The following OTUD4 variants were observed in gnomAD, a reference collection of about 807,000 sequenced individuals.
OTUD4 encodes the protein OTU domain-containing protein 4.
A neutral mutation model predicts 130.4 loss-of-function variants in OTUD4; 24 were observed. The observed-to-expected ratio is 0.18, with a 90% CI of 0.13 to 0.26. The LOEUF (loss-of-function observed/expected upper bound fraction) is 0.26. OTUD4 is among the 10% of genes least tolerant of loss of function. OTUD4 has a pLI of 1.00. For missense variants in OTUD4, 1,031 were observed against 1,329.4 expected, an observed-to-expected ratio of 0.78 and a Z score of 3.49; for synonymous variants, 420 against 472.5, an observed-to-expected ratio of 0.89 and a Z score of 1.44.
chr4:145,148,185 T>C (rs1489039047), intron 13 of OTUD4, among the ~76,000 whole-genome samples: 1 of 152,196 alleles, frequency 6.6e-6, no homozygotes, highest in Non-Finnish European at 1.5e-5. Context: ...TATGCTTCTC[T>C]ATACCATAGT....
chr4:145,165,131 T>C lies in OTUD4; in HGVS notation c.341+20A>G, dbSNP rs1037969282. 1.4e-6 allele frequency: 2 copies of C among 1,432,472 alleles called. No homozygotes were observed. Among genetic ancestry groups the C allele is most frequent in the Non-Finnish European group, 1.9e-6 (2 of 1,034,686 alleles). 88.7% of individuals were successfully genotyped at this position (1,432,472 alleles called of 1,614,324 possible). A position where few individuals can be genotyped will look rare whatever the true frequency, so the allele number is the denominator to read the frequency against. On this transcript the variant is annotated intron_variant, in intron 4 of 20. Coordinates refer to ENST00000447906, the MANE Select transcript of OTUD4 (RefSeq NM_001366057.1). ...CCCACTGGTTTCATTTTCTTTTACT[T>C]ATGTTATTACAGTGTTTACCTGTAC...
rs1750136434 is a variant in OTUD4, at chr4:145,134,342, A to AC, written c.*3087dup. The stretch of plus-strand genomic sequence containing the variant: ...TACACTAGAGTGGACCTTGCTTAGT[A>AC]CCCTTAAGTAAAAGACAAAACATTT... On this transcript the variant is annotated 3_prime_UTR_variant, in exon 21 of 21. Coordinates refer to ENST00000447906, the MANE Select transcript of OTUD4 (RefSeq NM_001366057.1). 5.4e-6 allele frequency: 1 copy of AC among 185,994 alleles called. No individual in the cohort carries two copies. Among genetic ancestry groups the AC allele is most frequent in the Admixed American group, 6.1e-5 (1 of 16,296 alleles). 11.5% of individuals were successfully genotyped at this position (185,994 alleles called of 1,614,324 possible).
In OTUD4 at chr4:145,144,416, A is replaced by G. The variant is rs775034922; in HGVS notation, c.1441T>C (p.Ser481Pro). 12 of 1,611,410 alleles carry G rather than the reference A, an allele frequency of 7.4e-6. No homozygotes were observed. The highest frequency in any genetic ancestry group is 1.7e-4 in the Middle Eastern group (1 of 6,050). The change falls in exon 15 of 21, where the codon TCA becomes CCA. Residue 481 changes from serine (S) to proline (P), a missense_variant. This residue lies in a region of OTUD4 where 900 missense variants were observed against 1,095.9 expected (regional missense o/e 0.82). Coordinates refer to ENST00000447906, the MANE Select transcript of OTUD4 (RefSeq NM_001366057.1). ...CATGGATTGCTACTCTGAGAAGCTG[A>G]CTGATTGACTGATGAGCTCTTTAAA... The part of the protein sequence containing the change: ...PALSSSSVNQ[S>P]ASQSSNPCVQ...
rs1001218410 is a variant in OTUD4, at chr4:145,155,412, T to G, written c.872A>C (p.Gln291Pro). 2 of 1,608,602 alleles carry G rather than the reference T, an allele frequency of 1.2e-6. No individual in the cohort carries two copies. The highest frequency in any genetic ancestry group is 1.7e-6 in the Non-Finnish European group (2 of 1,177,696). The change falls in exon 10 of 21, where the codon CAA becomes CCA. Residue 291 changes from glutamine to proline, a missense_variant and splice_region_variant. Gln to Pro is a moderately conservative substitution (Grantham distance 76). This residue lies in a region of OTUD4 where 900 missense variants were observed against 1,095.9 expected (regional missense o/e 0.82). Coordinates refer to ENST00000447906, the MANE Select transcript of OTUD4 (RefSeq NM_001366057.1). ...GLQYEVGDKC[Q>P]VRLDHNGKFL... ...TCTTCTTTTACATAAGTCACTTACT[T>G]GACATTTGTCTCCAACTTCATATTG...
chr4:145,163,554 TAAA>T (rs1182633354), intron 5 of OTUD4, among the ~76,000 whole-genome samples: 3 of 152,128 alleles, frequency 2.0e-5, no homozygotes, highest in Non-Finnish European at 4.4e-5. Context: ...TTTATATTGA[TAAA>T]AAACTATAAT....
intron 1 of OTUD4, among the ~76,000 whole-genome samples, chr4:145,175,068 G>T (rs1282646299): frequency 6.6e-6 from 1 of 152,170 alleles, no homozygotes; most frequent in Non-Finnish European, 1.5e-5. Flanking sequence ...TCTTCACAAA[G>T]AAGAGCTAAC....
chr4:145,137,742 A>C lies in OTUD4; in HGVS notation c.3033T>G (p.Ser1011=), dbSNP rs201718684. 5.0e-6 allele frequency: 8 copies of C among 1,614,126 alleles called. No homozygotes were observed. The East Asian group carries it at 1.8e-4, about 36-fold the overall frequency. ...AADVVSPGAN[S]VDSRVQRPKE... ...TTGGTCTTTGCACTCTGCTATCAAC[A>C]GAGTTGGCCCCAGGGCTGACCACAT... The change falls in exon 21 of 21, where the codon TCT becomes TCG. Residue 1011 remains serine (S), a synonymous_variant. Transcript: ENST00000447906.
At chr4:145,176,300 A>T (rs1408933405) in intron 1 of OTUD4, among the ~76,000 whole-genome samples, 2 of 151,952 alleles carry the variant, frequency 1.3e-5, no homozygotes, top group Non-Finnish European at 2.9e-5. Context: ...TATGGTTTAA[A>T]AAAAAAAAAC....
At chr4:145,179,771 G>GGC in intron 1 of OTUD4, 44 bp downstream of exon 1, 3 of 1,020,964 alleles carry the variant, frequency 2.9e-6, no homozygotes, top group Non-Finnish European at 3.9e-6. Context: ...CCGCCGGGCC[G>GGC]TCCCCGCCTC....
At position 145,138,598 on chromosome 4, in the gene OTUD4, T is replaced by C. The variant is rs764564992; in HGVS notation, c.2177A>G (p.Gln726Arg). The change falls in exon 21 of 21, where the codon CAG becomes CGG. Residue 726 changes from glutamine (Q) to arginine (R), a missense_variant. Gln to Arg is a conservative substitution (Grantham distance 43, BLOSUM62 1). Coordinates refer to ENST00000447906, the MANE Select transcript of OTUD4 (RefSeq NM_001366057.1). ...CATCCTGCAGGCTGCCAGGTAGGCCTGGTGCAGAGGGTACAGGTAAGAATG... is the reference window on the plus strand; with the variant it reads ...CATCCTGCAGGCTGCCAGGTAGGCCCGGTGCAGAGGGTACAGGTAAGAATG... ...APHSYLYPLH[Q>R]AYLAACRMYP... 5 of 1,613,894 alleles carry C rather than the reference T, an allele frequency of 3.1e-6. No homozygotes were observed. In the Admixed American group the frequency reaches 8.3e-5, roughly 27 times the overall value.
At position 145,155,433 on chromosome 4, in the gene OTUD4, T is replaced by C. The variant is rs770538959; in HGVS notation, c.851A>G (p.Tyr284Cys). ...TACTTGACATTTGTCTCCAACTTCA[T>C]ATTGTAAGCCAGCAGCAATGGAATA... ...RDYSIAAGLQ[Y>C]EVGDKCQVRL... is the part of the protein sequence containing the mutation. Residue 284 changes from tyrosine to cysteine, a missense_variant, in exon 10 of 21, where the codon TAT becomes TGT. Coordinates refer to ENST00000447906, the MANE Select transcript of OTUD4 (RefSeq NM_001366057.1). 2.5e-6 allele frequency: 4 copies of C among 1,611,192 alleles called. No individual in the cohort carries two copies. The South Asian group carries it at 4.4e-5, about 18-fold the overall frequency.
Position 145,136,939 on chromosome 4 carries a change from C to T in OTUD4, c.*491G>A, listed in dbSNP as rs1329853491. On this transcript the variant is annotated 3_prime_UTR_variant, in exon 21 of 21. Transcript: ENST00000447906. ...TGTTTTAGGCTGAGAATTGTTTGAG[C>T]CCAGTTTATGACTAAGGCATTGCAT... 1 of 152,598 alleles carries T rather than the reference C, an allele frequency of 6.6e-6. No homozygotes were observed. Among genetic ancestry groups the T allele is most frequent in the African/African-American group, 2.4e-5 (1 of 41,400 alleles). The allele number at this position is 152,598 out of a possible 1,614,324, so 9.5% of individuals were successfully genotyped here. A position where few individuals can be genotyped will look rare whatever the true frequency, so the allele number is the denominator to read the frequency against.
In OTUD4 at chr4:145,141,619, C is replaced by T. The variant is rs754091584; in HGVS notation, c.1843G>A (p.Val615Ile). ...GTCAAAGTCTGTGTCACTGACAAAA[C>T]GGGAATTGGAGCAGGGACACCTACA... Reference protein sequence around the residue: ...GPTGVPAPIPVLSVTQTLTTG... With the variant: ...GPTGVPAPIPILSVTQTLTTG... Residue 615 changes from valine to isoleucine, a missense_variant, in exon 19 of 21, where the codon GTT becomes ATT. Physicochemically the swap from Val to Ile is conservative, Grantham distance 29. Around this residue, in one of 3 missense-constraint regions of OTUD4, gnomAD observed 900 missense variants for 1,095.9 expected, o/e 0.82. Coordinates refer to ENST00000447906, the MANE Select transcript of OTUD4 (RefSeq NM_001366057.1). The T allele has an allele frequency of 2.7e-5, 42 of 1,535,418 alleles. No homozygotes were observed. Among genetic ancestry groups the T allele is most frequent in the East Asian group, 7.0e-5 (3 of 42,672 alleles).
chr4:145,150,739 T>A (rs1253381813), intron 12 of OTUD4, 40 bp from the exon 13 acceptor site: 11 of 1,607,694 alleles, frequency 6.8e-6, no homozygotes, highest in Non-Finnish European at 9.4e-6. Flanking sequence ...ATATTCATAT[T>A]ATAAACAATC....
chr4:145,145,127 A>G (rs1403735202), intron 14 of OTUD4, among the ~76,000 whole-genome samples: 1 of 152,196 alleles, frequency 6.6e-6, no homozygotes, highest in Non-Finnish European at 1.5e-5. Flanking sequence ...CATTCTTAAT[A>G]AGAAAGAAAT....
rs562183503 is a variant in OTUD4 at position 145,139,806 on chromosome 4, T to C, written c.2124+145A>G. On this transcript the variant is annotated intron_variant, in intron 20 of 20. Transcript: ENST00000447906. ...CTCTACTAGCACCAAAAACAAACGATATAGTACTGAAAATGCTGGTTTTTA... is the reference window on the plus strand; with the variant it reads ...CTCTACTAGCACCAAAAACAAACGACATAGTACTGAAAATGCTGGTTTTTA... 217 of 388,198 alleles carry C rather than the reference T, an allele frequency of 5.6e-4. 1 individual carries two copies. The highest frequency in any genetic ancestry group is 1.1e-3 in the Middle Eastern group (2 of 1,852). 24.0% of individuals were successfully genotyped at this position (388,198 alleles called of 1,614,324 possible). A position where few individuals can be genotyped will look rare whatever the true frequency, so the allele number is the denominator to read the frequency against.
Position 145,137,367 on chromosome 4 carries a change from T to C in OTUD4, c.*63A>G, listed in dbSNP as rs921943754. The C allele has an allele frequency of 2.2e-6, 3 of 1,384,652 alleles. No individual in the cohort carries two copies. The African/African-American group carries it at 4.3e-5, about 20-fold the overall frequency. 85.8% of individuals were successfully genotyped at this position (1,384,652 alleles called of 1,614,324 possible). A position where few individuals can be genotyped will look rare whatever the true frequency, so the allele number is the denominator to read the frequency against. On this transcript the variant is annotated 3_prime_UTR_variant, in exon 21 of 21. Coordinates refer to ENST00000447906, the MANE Select transcript of OTUD4 (RefSeq NM_001366057.1). ...GCGGTTTTTACTTTATTGTATTTTT[T>C]TTAAAGCCTTCAGAAACATTCCACC...
intron 1 of OTUD4, among the ~76,000 whole-genome samples, chr4:145,177,353 T>G (rs1441288567): frequency 6.6e-6 from 1 of 152,256 alleles, no homozygotes; most frequent in African/African-American, 2.4e-5. Context: ...TATCTGAACC[T>G]GTTGCTCAGA....
intron 6 of OTUD4, among the ~76,000 whole-genome samples, chr4:145,160,757 G>A (rs1751520712): frequency 6.6e-6 from 1 of 152,120 alleles, no homozygotes; most frequent in African/African-American, 2.4e-5. Context: ...TGGTTGCAGT[G>A]AACTGAGATC....
Sources: allele counts gnomAD v4.1 joint callset (sites outside exome capture counted in the v4.1 genomes callset), GRCh38; gene constraint gnomAD v4.1.1; regional missense constraint gnomAD v4.1.1; transcripts MANE v1.5; gene names NCBI Gene and HGNC (gene_info 2026-07-23, HGNC 2026-07-21).